The following CTBP1 variants were observed in gnomAD, a reference collection of about 807,000 sequenced individuals.
CTBP1 encodes C-terminal binding protein 1.
Under a neutral mutation model 42.1 loss-of-function variants are expected in CTBP1, and 11 were observed. The observed-to-expected ratio is 0.26, with a 90% CI of 0.16 to 0.43. The LOEUF (loss-of-function observed/expected upper bound fraction) is 0.43. Among genes scored for constraint, CTBP1 ranks in the 20% least tolerant of loss-of-function variants. The pLI is 1.00. For synonymous variants in CTBP1, 324 were observed against 277.1 expected (o/e 1.17, Z -1.68); for missense variants, 399 against 624.3 (o/e 0.64, Z 3.85).
At chr4:1,213,412 G>A (rs1728751397) in intron 8 of CTBP1, 66 bp downstream of exon 8, 3 of 1,594,274 alleles carry the variant, frequency 1.9e-6, no homozygotes, top group South Asian at 1.1e-5. Flanking sequence ...GCGGATGCGA[G>A]CCCATGAGCA....
At chr4:1,225,632 C>A (rs889646455) in intron 4 of CTBP1, 66 bp from the exon 5 acceptor site, 1 of 1,453,776 alleles carries the variant, frequency 6.9e-7, no homozygotes, top group Non-Finnish European at 9.2e-7. Flanking sequence ...ACACCGGGGC[C>A]GCCGTGACTG....
rs775743153 is a variant in CTBP1, at chr4:1,212,321, C to A, written c.1209G>T (p.Val403=). The part of the protein sequence containing the change: ...AMSLSHGLPP[V]AHPPHAPSPG... ...GAGAAGGGGCGTGGGGCGGGTGGGC[C>A]ACAGGGGGCAGGCCGTGGGACAGGG... The change falls in exon 10 of 10, where the codon GTG becomes GTT. Residue 403 remains valine, a synonymous_variant. Transcript: ENST00000382952. 27 of 1,513,738 alleles carry A rather than the reference C, an allele frequency of 1.8e-5. No homozygotes were observed. The highest frequency in any genetic ancestry group is 2.3e-5 in the Non-Finnish European group (26 of 1,134,484). 93.8% of individuals were successfully genotyped at this position (1,513,738 alleles called of 1,614,324 possible).
At chr4:1,230,662 C>T (rs973929669) in intron 3 of CTBP1, among the ~76,000 whole-genome samples, 1 of 152,260 alleles carries the variant, frequency 6.6e-6, no homozygotes, top group African/African-American at 2.4e-5. Context: ...CCTGCTTTCA[C>T]CCGGAGCACT....
At chr4:1,217,932 C>T (rs906523911) in intron 5 of CTBP1, 9 of 152,042 alleles carry the variant, frequency 5.9e-5, no homozygotes, top group African/African-American at 1.9e-4. Context: ...TGGAGGCTTC[C>T]GGAAGATGAA....
chr4:1,230,023 GGT>G (rs917515642), intron 3 of CTBP1, among the ~76,000 whole-genome samples: 1 of 152,302 alleles, frequency 6.6e-6, no homozygotes, highest in African/African-American at 2.4e-5. Flanking sequence ...CAGAGGAACA[GGT>G]GTGTGTAACA....
intron 1 of CTBP1, among the ~76,000 whole-genome samples, chr4:1,245,996 G>A (rs1165591402): frequency 2.0e-5 from 3 of 152,198 alleles, no homozygotes; most frequent in Non-Finnish European, 4.4e-5. Context: ...CGTTTGGCTC[G>A]GCAAAGAGCC....
At position 1,246,511 on chromosome 4, in the gene CTBP1, T is replaced by A. The variant is rs730831; in HGVS notation, c.-189+2405A>T. 2.2e-3 allele frequency among the ~76,000 whole-genome samples: 333 copies of A among 152,274 alleles called. 1 individual carries two copies. The highest frequency in any genetic ancestry group is 7.7e-3 in the African/African-American group (320 of 41,550). On this transcript the variant is annotated intron_variant, in intron 1 of 9. Transcript: ENST00000382952. ...ACCTCACAGGGCACACACCTTTGACTTGGGCACTGCATGGGGAGCACCAGG... is the reference window on the plus strand; with the variant it reads ...ACCTCACAGGGCACACACCTTTGACATGGGCACTGCATGGGGAGCACCAGG...
intron 8 of CTBP1, 156 bp from the exon 9 acceptor site, chr4:1,213,186 G>C (rs1281318014): frequency 5.3e-6 from 4 of 756,464 alleles, no homozygotes; most frequent in Non-Finnish European, 8.6e-6. Context: ...TGTCTCTCTG[G>C]GCACTGGCAC....
At chr4:1,225,597 C>A in intron 4 of CTBP1, 31 bp from the exon 5 acceptor site, 4 of 1,526,780 alleles carry the variant, frequency 2.6e-6, no homozygotes, top group South Asian at 1.2e-5. Flanking sequence ...CGGTCACCCC[C>A]GGGCCGGGCC....
intron 1 of CTBP1, chr4:1,244,091 C>A: frequency 3.0e-6 from 3 of 985,382 alleles, no homozygotes; most frequent in Non-Finnish European, 1.2e-6. Context: ...GCATCAAGTC[C>A]CGGGGGGCTG....
chr4:1,223,916 C>G (rs1360991556), intron 5 of CTBP1, among the ~76,000 whole-genome samples: 1 of 152,228 alleles, frequency 6.6e-6, no homozygotes, highest in Non-Finnish European at 1.5e-5. Context: ...GGACCCAGGA[C>G]AGTGCTGGGC....
chr4:1,242,120 G>C (rs1016779338), intron 1 of CTBP1: 28 of 985,300 alleles, frequency 2.8e-5, no homozygotes, highest in Non-Finnish European at 2.2e-5. Context: ...AAACTGCTCA[G>C]CTCTTCCTGA....
In CTBP1 at chr4:1,249,029, G is replaced by T. The variant is rs1441723925; in HGVS notation, c.-302C>A. ...CGCCGCGAGCCCGGCGCGTGGGGCG[G>T]CCTCGGCGCCGTCCGCTGCTCCGCC... On this transcript the variant is annotated 5_prime_UTR_variant, in exon 1 of 10. Transcript: ENST00000382952. 21 of 714,492 alleles carry T rather than the reference G, an allele frequency of 2.9e-5. No individual in the cohort carries two copies. In the African/African-American group the frequency reaches 3.3e-4, roughly 11 times the overall value. 44.3% of individuals were successfully genotyped at this position (714,492 alleles called of 1,614,324 possible).
intron 3 of CTBP1, among the ~76,000 whole-genome samples, chr4:1,231,976 CA>C (rs1271871110): frequency 5.9e-5 from 9 of 152,388 alleles, no homozygotes; most frequent in African/African-American, 2.2e-4. Flanking sequence ...CTGTCTGTAC[CA>C]AACGCCACCG....
At chr4:1,218,687 C>T (rs946386231) in intron 5 of CTBP1, 2 of 152,162 alleles carry the variant, frequency 1.3e-5, no homozygotes, top group Non-Finnish European at 2.9e-5. Context: ...GGAGCCACCG[C>T]GGGCCTCTGG....
At chr4:1,215,328 C>T (rs746346769) in intron 6 of CTBP1, among the ~76,000 whole-genome samples, 1 of 152,280 alleles carries the variant, frequency 6.6e-6, no homozygotes, top group East Asian at 1.9e-4. Flanking sequence ...CACACATGCA[C>T]ATACATACAA....
In CTBP1 at chr4:1,222,193, G is replaced by T. The variant is rs185153477; in HGVS notation, c.514+3167C>A. Among the ~76,000 whole-genome samples, 399 of 152,278 alleles carry T rather than the reference G, an allele frequency of 2.6e-3. 1 individual carries two copies. The highest frequency in any genetic ancestry group is 9.2e-3 in the African/African-American group (382 of 41,560). ...CACAGAGGGTGGGATGGGGCTCAGGGACAAGGGCGAGGGGCGGGGCGGGGG... is the reference window on the plus strand; with the variant it reads ...CACAGAGGGTGGGATGGGGCTCAGGTACAAGGGCGAGGGGCGGGGCGGGGG... On this transcript the variant is annotated intron_variant, in intron 5 of 9. Coordinates refer to ENST00000382952, the MANE Select transcript of CTBP1 (RefSeq NM_001012614.2).
At chr4:1,243,317 G>A (rs1466224276) in intron 1 of CTBP1, 2 of 985,306 alleles carry the variant, frequency 2.0e-6, no homozygotes, top group Non-Finnish European at 2.4e-6. Context: ...CCTGCAGTGA[G>A]GAGGCCGTGA....
intron 3 of CTBP1, among the ~76,000 whole-genome samples, chr4:1,231,314 T>C (rs1577054585): frequency 6.6e-6 from 1 of 151,972 alleles, no homozygotes; most frequent in South Asian, 2.1e-4. Flanking sequence ...CTGCAGGAGG[T>C]GGGTGCAGCC....
Sources: allele counts gnomAD v4.1 joint callset (sites outside exome capture counted in the v4.1 genomes callset), GRCh38; gene constraint gnomAD v4.1.1; transcripts MANE v1.5; gene names NCBI Gene and HGNC (gene_info 2026-07-23, HGNC 2026-07-21).